The following WDR36 variants were observed in gnomAD, a reference collection of about 807,000 sequenced individuals.
The protein encoded by WDR36 is WD repeat-containing protein 36.
WDR36 carries 63 observed loss-of-function variants against 112.7 expected under a neutral mutation model. The observed-to-expected ratio is 0.56, with a 90% CI of 0.46 to 0.69. The LOEUF is 0.69. WDR36 is among the 30% of genes least tolerant of loss of function. The probability of loss-of-function intolerance (pLI) is 0.00; values close to 1 mark genes in which losing one functional copy is unlikely to be tolerated. For missense variants in WDR36, 1,226 were observed against 1,070.3 expected (o/e 1.15, Z -2.03); for synonymous variants, 410 against 362.2 (o/e 1.13, Z -1.50).
At chr5:111,102,822 A>C (rs1343771048) in intron 6 of WDR36, among the ~76,000 whole-genome samples, 1 of 151,652 alleles carries the variant, frequency 6.6e-6, no homozygotes, top group Non-Finnish European at 1.5e-5. Context: ...TCGATGATGG[A>C]CTATTTAAGA....
In WDR36 at chr5:111,097,131, C is replaced by G; in HGVS notation, c.243C>G (p.Val81=). The G allele has an allele frequency of 6.2e-7, 1 of 1,613,660 alleles. No individual in the cohort carries two copies. Among genetic ancestry groups the G allele is most frequent in the Non-Finnish European group, 8.5e-7 (1 of 1,179,838 alleles). Residue 81 remains valine, a synonymous_variant, in exon 3 of 23, where the codon GTC becomes GTG. Transcript: ENST00000513710. ...ICCMAADGRL[V]FAAYGNVFSA... The stretch of plus-strand genomic sequence containing the variant: ...GTATGGCAGCTGATGGCAGATTAGT[C>G]TTTGCTGCTTATGGAAATGTTTTCT...
chr5:111,124,239 T>C (rs1753630195), intron 21 of WDR36, 50 bp downstream of exon 21: 1 of 1,434,624 alleles, frequency 7.0e-7, no homozygotes, highest in Non-Finnish European at 9.7e-7. Context: ...CTTATTTTAC[T>C]GTATATGAGG....
intron 16 of WDR36, 90 bp from the exon 17 acceptor site, chr5:111,118,923 A>ATCCCT: frequency 2.0e-6 from 2 of 995,850 alleles, no homozygotes; most frequent in Admixed American, 3.4e-5. Flanking sequence ...TGCATCTCTT[A>ATCCCT]TCCCTTATCT....
At chr5:111,113,052 A>ATTTTTT (rs201180028) in intron 15 of WDR36, 22 bp from the exon 16 acceptor site, 182 of 473,564 alleles carry the variant, frequency 3.8e-4, no homozygotes, top group South Asian at 2.3e-3. Context: ...ATATATATAT[A>ATTTTTT]TTTTTTTTTT....
At chr5:111,104,588 G>A in intron 8 of WDR36, 109 bp from the exon 9 acceptor site, 5 of 1,545,338 alleles carry the variant, frequency 3.2e-6, no homozygotes, top group Non-Finnish European at 4.5e-6. Flanking sequence ...CAGAGTCAGT[G>A]GCTTAGCAAG....
chr5:111,109,580 C>T (rs1157544319), intron 12 of WDR36, among the ~76,000 whole-genome samples: 1 of 150,540 alleles, frequency 6.6e-6, no homozygotes, highest in Non-Finnish European at 1.5e-5. Flanking sequence ...CAGCAGTGAC[C>T]AAATATGTAG....
In WDR36 at chr5:111,111,189, T is replaced by G; in HGVS notation, c.1627T>G (p.Leu543Val). The G allele has an allele frequency of 1.2e-6, 2 of 1,611,946 alleles. No homozygotes were observed. The highest frequency in any genetic ancestry group is 2.7e-5 in the African/African-American group (2 of 74,924). Reference sequence around the variant, plus strand: ...TGCTAGTGGCATTCTGGGACTCGCCTTGGATGACTTCTCCATTAGTGTTCT... The same window carrying G: ...TGCTAGTGGCATTCTGGGACTCGCCGTGGATGACTTCTCCATTAGTGTTCT... ...HRDSGILGLA[L>V]DDFSISVLDI... Residue 543 changes from leucine (L) to valine (V), a missense_variant, in exon 15 of 23, where the codon TTG (leucine) becomes GTG (valine). Transcript: ENST00000513710.
At chr5:111,103,671 T>C in intron 6 of WDR36, 115 bp from the exon 7 acceptor site, 1 of 1,362,110 alleles carries the variant, frequency 7.3e-7, no homozygotes, top group Non-Finnish European at 1.0e-6. Context: ...TTCTGCCATC[T>C]TTTAGAAGAT....
intron 22 of WDR36, 67 bp from the exon 23 acceptor site, chr5:111,126,667 A>T (rs1753683685): frequency 3.9e-6 from 6 of 1,552,278 alleles, no homozygotes; most frequent in Non-Finnish European, 5.3e-6. Flanking sequence ...TTGGTAGAAA[A>T]ATTGAATCCA....
At chr5:111,098,601 A>G in intron 3 of WDR36, 121 bp from the exon 4 acceptor site, 1 of 733,296 alleles carries the variant, frequency 1.4e-6, no homozygotes, top group South Asian at 1.5e-5. Flanking sequence ...GAATAATCAA[A>G]AGTTGGGGTA....
chr5:111,105,297 C>G lies in WDR36; in HGVS notation c.1030C>G (p.Gln344Glu), dbSNP rs1561704105. The change falls in exon 10 of 23, where the codon CAA (glutamine) becomes GAA (glutamate). Residue 344 changes from glutamine to glutamate, a missense_variant and splice_region_variant. Coordinates refer to ENST00000513710, the MANE Select transcript of WDR36 (RefSeq NM_139281.3). ...QNGQQILSAS[Q>E]DGTLQSFSTV... ...GGATTTTCTGTGTATATCAACAGGT[C>G]AAGATGGAACTCTTCAGTCATTTTC... The G allele has an allele frequency of 6.2e-7, 1 of 1,609,548 alleles. No homozygotes were observed. The highest frequency in any genetic ancestry group is 8.5e-7 in the Non-Finnish European group (1 of 1,176,956).
At chr5:111,106,172 A>C (rs1224593941) in intron 11 of WDR36, 29 bp downstream of exon 11, 4 of 1,561,176 alleles carry the variant, frequency 2.6e-6, no homozygotes, top group Non-Finnish European at 3.5e-6. Context: ...TGTTTTGAGA[A>C]GTTCTCCTTT....
chr5:111,128,944 T>C lies in WDR36; in HGVS notation c.*2061T>C, dbSNP rs1435810853. ...GTTTTAACTCTCCTAGATCTTCTTT[T>C]AGAGTGTTTTTATGAGTGTTTAATG... On this transcript the variant is annotated 3_prime_UTR_variant, in exon 23 of 23. Transcript: ENST00000513710. 1 of 193,016 alleles carries C rather than the reference T, an allele frequency of 5.2e-6. No homozygotes were observed. Among genetic ancestry groups the C allele is most frequent in the Non-Finnish European group, 1.1e-5 (1 of 92,482 alleles). 12.0% of individuals were successfully genotyped at this position (193,016 alleles called of 1,614,324 possible).
rs186999996 is a variant in WDR36, at chr5:111,109,406, G to A, written c.1327-783G>A. Among the ~76,000 whole-genome samples, 337 of 151,188 alleles carry A rather than the reference G, an allele frequency of 2.2e-3. 1 individual carries two copies. Among genetic ancestry groups the A allele is most frequent in the Non-Finnish European group, 3.4e-3 (227 of 67,394 alleles). Reference sequence around the variant, plus strand: ...TTATGTGATGCAATGTAAATATGTCGTGACAAAGTGGTATGTCAAACTTTA... The same window carrying A: ...TTATGTGATGCAATGTAAATATGTCATGACAAAGTGGTATGTCAAACTTTA... On this transcript the variant is annotated intron_variant, in intron 12 of 22. Coordinates refer to ENST00000513710, the MANE Select transcript of WDR36 (RefSeq NM_139281.3).
chr5:111,117,770 C>T (rs1435416929), intron 16 of WDR36, among the ~76,000 whole-genome samples: 1 of 152,126 alleles, frequency 6.6e-6, no homozygotes, highest in Non-Finnish European at 1.5e-5. Flanking sequence ...ACATCCGGAA[C>T]TTGAGTCATT....
intron 19 of WDR36, among the ~76,000 whole-genome samples, chr5:111,123,229 T>TA (rs1753604165): frequency 6.6e-6 from 1 of 152,154 alleles, no homozygotes; most frequent in Non-Finnish European, 1.5e-5. Context: ...TTGAAATACT[T>TA]ATAAACCAGC....
At chr5:111,107,527 G>T in intron 12 of WDR36, 88 bp downstream of exon 12, 1 of 1,535,202 alleles carries the variant, frequency 6.5e-7, no homozygotes, top group South Asian at 1.2e-5. Context: ...TCATAATATT[G>T]ACTGAAAAAA....
intron 2 of WDR36, among the ~76,000 whole-genome samples, chr5:111,096,636 G>A (rs562145067): frequency 2.6e-4 from 39 of 152,044 alleles, no homozygotes; most frequent in Admixed American, 8.5e-4. Context: ...CCTGGGAGGC[G>A]GATGTTGCAG....
chr5:111,121,939 G>T (rs543769556), intron 19 of WDR36, among the ~76,000 whole-genome samples: 1 of 152,180 alleles, frequency 6.6e-6, no homozygotes, highest in East Asian at 1.9e-4. Context: ...AGTATGGGCT[G>T]TGGTAAAAAG....
Sources: gnomAD v4.1 joint callset for allele counts (sites outside exome capture counted in the v4.1 genomes callset) on GRCh38, gnomAD v4.1.1 for gene constraint, MANE v1.5 for transcripts, NCBI Gene and HGNC (gene_info 2026-07-23, HGNC 2026-07-21) for gene names.